Variants in BRSK1 observed in about 807,000 individuals in gnomAD.
BRSK1 encodes BR serine/threonine kinase 1.
Under a neutral mutation model 86.2 loss-of-function variants are expected in BRSK1, and 17 were observed. The ratio of observed to expected loss-of-function variants is 0.20; its 90% CI spans 0.14 to 0.30. BRSK1 has a LOEUF of 0.30. Among genes scored for constraint, BRSK1 ranks in the 10% least tolerant of loss-of-function variants. BRSK1 has a pLI of 1.00. For missense variants in BRSK1, 719 were observed against 1,071.9 expected, an observed-to-expected ratio of 0.67 and a Z score of 4.60; for synonymous variants, 464 against 440.1, an observed-to-expected ratio of 1.05 and a Z score of -0.68.
chr19:55,295,492 TC>T (rs1264274772), intron 7 of BRSK1, among the ~76,000 whole-genome samples: 2 of 152,034 alleles, frequency 1.3e-5, no homozygotes, highest in Non-Finnish European at 1.5e-5. Flanking sequence ...ATCCTGGAGT[TC>T]CCCCACTCTG....
In BRSK1 at chr19:55,284,407, G is replaced by C; in HGVS notation, c.-36G>C. The C allele has an allele frequency of 1.8e-6, 2 of 1,134,302 alleles. No homozygotes were observed. The highest frequency in any genetic ancestry group is 1.6e-5 in the African/African-American group (1 of 61,782). 70.3% of individuals were successfully genotyped at this position (1,134,302 alleles called of 1,614,324 possible). A position where few individuals can be genotyped will look rare whatever the true frequency, so the allele number is the denominator to read the frequency against. ...ACGGGGCGACGGCCGCAGGGGGGGC[G>C]GCCGGGGGACCGGTCGGGCCGGGAC... is the stretch of plus-strand genomic sequence containing the variant. On this transcript the variant is annotated 5_prime_UTR_variant, in exon 1 of 19. Transcript: ENST00000309383.
intron 1 of BRSK1, among the ~76,000 whole-genome samples, chr19:55,286,695 G>A (rs1295838715): frequency 3.3e-5 from 5 of 150,080 alleles, no homozygotes; most frequent in Admixed American, 3.3e-4. Context: ...GGGGAGACAC[G>A]GTGAGGAAAG....
At position 55,306,601 on chromosome 19, in the gene BRSK1, G is replaced by A. The variant is rs1031498041; in HGVS notation, c.2089+151G>A. ...TGTGCTCCTCCTGCCCACACAGACC[G>A]CCCCACAAGCCCATCCTCTATTTCC... On this transcript the variant is annotated intron_variant, in intron 17 of 18. Transcript: ENST00000309383. This position sits in a 1 kb window ranked among gnomAD's most constrained non-coding sequence, Gnocchi z 4.7. 1.2e-5 allele frequency: 9 copies of A among 778,264 alleles called. No homozygotes were observed. The highest frequency in any genetic ancestry group is 2.7e-5 in the East Asian group (1 of 37,156). The allele number at this position is 778,264 out of a possible 1,614,324, so 48.2% of individuals were successfully genotyped here. A position where few individuals can be genotyped will look rare whatever the true frequency, so the allele number is the denominator to read the frequency against.
At chr19:55,296,068 A>T (rs1325933043) in intron 7 of BRSK1, among the ~76,000 whole-genome samples, 1 of 152,016 alleles carries the variant, frequency 6.6e-6, no homozygotes, top group African/African-American at 2.4e-5. Flanking sequence ...CTTGTTGCTC[A>T]CCTAGTTCAT....
chr19:55,290,723 G>C, intron 4 of BRSK1, among the ~76,000 whole-genome samples: 1 of 151,350 alleles, frequency 6.6e-6, no homozygotes, highest in Non-Finnish European at 1.5e-5. Flanking sequence ...CTCACTGCAA[G>C]CTCCGCCTCC....
At chr19:55,284,630 G>A (rs973336939) in intron 1 of BRSK1, 52 bp downstream of exon 1, 46 of 1,258,302 alleles carry the variant, frequency 3.7e-5, no homozygotes, top group Admixed American at 4.1e-5. Flanking sequence ...TGGAGGTGGC[G>A]GCAGAGGCGG....
chr19:55,290,182 G>T (rs747134743), intron 4 of BRSK1, among the ~76,000 whole-genome samples: 4 of 152,116 alleles, frequency 2.6e-5, no homozygotes, highest in Non-Finnish European at 5.9e-5. Flanking sequence ...TTTTAGTAAA[G>T]TCGGGGTTTC....
At chr19:55,296,397 T>C (rs2088487430) in intron 7 of BRSK1, among the ~76,000 whole-genome samples, 1 of 152,006 alleles carries the variant, frequency 6.6e-6, no homozygotes, top group Admixed American at 6.6e-5. Flanking sequence ...ACACCTGTAG[T>C]GAGAATAAAT....
chr19:55,304,233 G>T lies in BRSK1; in HGVS notation c.1347+123G>T. 9.4e-7 allele frequency: 1 copy of T among 1,065,170 alleles called. No homozygotes were observed. Among genetic ancestry groups the T allele is most frequent in the Non-Finnish European group, 1.3e-6 (1 of 748,142 alleles). The allele number at this position is 1,065,170 out of a possible 1,614,324, so 66.0% of individuals were successfully genotyped here. A position where few individuals can be genotyped will look rare whatever the true frequency, so the allele number is the denominator to read the frequency against. ...AGACTTGCTTCTTTGTCCCTGGAGG[G>T]CCAAAGACCCAAGGCCTCCAAAGTA... On this transcript the variant is annotated intron_variant, in intron 13 of 18. Transcript: ENST00000309383. This position sits in a 1 kb window ranked among gnomAD's most constrained non-coding sequence, Gnocchi z 5.2.
At chr19:55,297,648 AC>A (rs11311554) in intron 7 of BRSK1, among the ~76,000 whole-genome samples, 48,879 of 151,870 alleles carry the variant, frequency 0.32, 8,204 homozygotes, top group South Asian at 0.49. Context: ...GCCCTTCTTC[AC>A]TTGGTGGCTA....
At position 55,302,900 on chromosome 19, in the gene BRSK1, C is replaced by G; in HGVS notation, c.1028+33C>G. 6.3e-7 allele frequency: 1 copy of G among 1,592,118 alleles called. No individual in the cohort carries two copies. The highest frequency in any genetic ancestry group is 8.6e-7 in the Non-Finnish European group (1 of 1,164,696). On this transcript the variant is annotated intron_variant, in intron 10 of 18. Transcript: ENST00000309383. This position sits in a 1 kb window ranked among gnomAD's most constrained non-coding sequence, Gnocchi z 6.3. ...CCCAAGACCCCTGCACCCGTGTACCCACGTGGGGCGAGCTGCAGCAGCTCC... is the reference window on the plus strand; with the variant it reads ...CCCAAGACCCCTGCACCCGTGTACCGACGTGGGGCGAGCTGCAGCAGCTCC...
chr19:55,304,727 C>T lies in BRSK1; in HGVS notation c.1524C>T (p.Ser508=). The change falls in exon 14 of 19, where the codon TCC becomes TCT. Residue 508 remains serine, a synonymous_variant. Transcript: ENST00000309383. The surrounding 1 kb of genome is among the most constrained non-coding windows in gnomAD (Gnocchi z 5.2). ...RSTPLPGPPG[S]PRSSGGTPLH... Reference sequence around the variant, plus strand: ...CACCCCTGCCCGGCCCCCCAGGCTCCCCGCGCTCCTCTGGCGGGACCCCCT... The same window carrying T: ...CACCCCTGCCCGGCCCCCCAGGCTCTCCGCGCTCCTCTGGCGGGACCCCCT... The T allele has an allele frequency of 6.6e-7, 1 of 1,518,766 alleles. No homozygotes were observed. The highest frequency in any genetic ancestry group is 8.8e-7 in the Non-Finnish European group (1 of 1,138,646). 94.1% of individuals were successfully genotyped at this position (1,518,766 alleles called of 1,614,324 possible).
At chr19:55,298,209 C>CTTTTTTTTT (rs71181751) in intron 7 of BRSK1, among the ~76,000 whole-genome samples, 16 of 69,624 alleles carry the variant, frequency 2.3e-4, no homozygotes, top group African/African-American at 2.9e-4. Flanking sequence ...TTTGTTTCTT[C>CTTTTTTTTT]TTTTTTTTTT....
Position 55,306,986 on chromosome 19 carries a change from A to G in BRSK1, c.2089+536A>G, listed in dbSNP as rs1042744546. ...GCTAAGCTCAGTGGCAGCCTCAGGA[A>G]CTTGAACTCCAGGCAGCCATGACCA... On this transcript the variant is annotated intron_variant, in intron 17 of 18. Coordinates refer to ENST00000309383, the MANE Select transcript of BRSK1 (RefSeq NM_032430.2). This position sits in a 1 kb window ranked among gnomAD's most constrained non-coding sequence, Gnocchi z 4.7. 3.9e-5 allele frequency among the ~76,000 whole-genome samples: 6 copies of G among 152,222 alleles called. No homozygotes were observed. Among genetic ancestry groups the G allele is most frequent in the African/African-American group, 1.4e-4 (6 of 41,458 alleles).
chr19:55,289,798 T>C (rs2088377295), intron 4 of BRSK1, among the ~76,000 whole-genome samples, 178 bp downstream of exon 4: 1 of 152,148 alleles, frequency 6.6e-6, no homozygotes, highest in Non-Finnish European at 1.5e-5. Flanking sequence ...CAGTGGTTTT[T>C]GATATATTTG....
At chr19:55,308,589 C>T (rs2088703187) in intron 17 of BRSK1, 50 bp from the exon 18 acceptor site, 1 of 1,472,832 alleles carries the variant, frequency 6.8e-7, no homozygotes, top group Admixed American at 1.7e-5. Context: ...GGACGGCCTT[C>T]CCGGTCCTGG....
intron 18 of BRSK1, among the ~76,000 whole-genome samples, chr19:55,309,666 C>A (rs1011376920): frequency 7.9e-5 from 12 of 152,204 alleles, no homozygotes; most frequent in African/African-American, 2.7e-4. Flanking sequence ...ACCTCATCAC[C>A]TCCTAACATA....
intron 7 of BRSK1, among the ~76,000 whole-genome samples, chr19:55,299,238 A>C (rs2088534662): frequency 6.6e-6 from 1 of 152,232 alleles, no homozygotes; most frequent in South Asian, 2.1e-4. Flanking sequence ...CGAGAGGGTC[A>C]AAGGAAGCTT....
intron 7 of BRSK1, among the ~76,000 whole-genome samples, chr19:55,295,319 C>T (rs562666906): frequency 2.0e-5 from 3 of 152,186 alleles, no homozygotes; most frequent in South Asian, 4.1e-4. Context: ...GACAGGGTTT[C>T]GCCTTGTTTC....
Sources: allele counts gnomAD v4.1 joint callset (sites outside exome capture counted in the v4.1 genomes callset), GRCh38; gene constraint gnomAD v4.1.1; non-coding constraint Gnocchi (gnomAD v3.1); transcripts MANE v1.5; gene names NCBI Gene and HGNC (gene_info 2026-07-23, HGNC 2026-07-21).